PCSK2: variants seen among roughly 807,000 people sequenced by gnomAD.
PCSK2 encodes the protein neuroendocrine convertase 2.
In PCSK2, 14 loss-of-function variants were observed where a neutral mutation model predicts 69.7. The ratio of observed to expected loss-of-function variants is 0.20; its 90% confidence interval spans 0.13 to 0.31. PCSK2 has a LOEUF of 0.31. PCSK2 is among the 10% of genes least tolerant of loss of function. The pLI is 1.00. For synonymous variants in PCSK2, 307 were observed against 320.7 expected (o/e 0.96, Z 0.46); for missense variants, 544 against 842.5 (o/e 0.65, Z 4.39).
chr20:17,250,110 A>G (rs887480458), intron 1 of PCSK2, among the ~76,000 whole-genome samples: 1 of 152,208 alleles, frequency 6.6e-6, no homozygotes, highest in Non-Finnish European at 1.5e-5. Flanking sequence ...TAGCAAAATT[A>G]CCAAAGGCAG....
chr20:17,481,605 G>T lies in PCSK2; in HGVS notation c.1452G>T (p.Lys484Asn), dbSNP rs2033403109. ...QDPEKIPSTG[K>N]LVLTLTTDAC... ...TCAGGAAAATACCATCCACTGGCAAGTTGGTGCTGACACTCACAACCGACG... is the reference window on the plus strand; with the variant it reads ...TCAGGAAAATACCATCCACTGGCAATTTGGTGCTGACACTCACAACCGACG... The change falls in exon 12 of 12, where the codon AAG becomes AAT. Residue 484 changes from lysine (K) to asparagine (N), a missense_variant. Physicochemically the swap from Lys to Asn is moderately conservative, Grantham distance 94. Around this residue, in one of 3 missense-constraint regions of PCSK2, gnomAD observed 200 missense variants for 287.8 expected, o/e 0.69. Transcript: ENST00000262545. The T allele has an allele frequency of 1.2e-6, 2 of 1,613,798 alleles. No individual in the cohort carries two copies. The highest frequency in any genetic ancestry group is 1.7e-6 in the Non-Finnish European group (2 of 1,179,950).
intron 6 of PCSK2, among the ~76,000 whole-genome samples, chr20:17,423,789 A>G (rs1568643443): frequency 6.6e-6 from 1 of 152,254 alleles, no homozygotes; most frequent in Non-Finnish European, 1.5e-5. Flanking sequence ...ATACCCTTGT[A>G]GAAGAAATGG....
chr20:17,407,126 G>C (rs1037345378), intron 5 of PCSK2, among the ~76,000 whole-genome samples: 1 of 152,066 alleles, frequency 6.6e-6, no homozygotes, highest in Non-Finnish European at 1.5e-5. Flanking sequence ...ATGCAGGATG[G>C]AGCTGCCCCA....
rs2032353731 is a variant in PCSK2, at chr20:17,431,013, C to T, written c.709+1490C>T. 2.0e-5 allele frequency among the ~76,000 whole-genome samples: 3 copies of T among 152,130 alleles called. No homozygotes were observed. The South Asian group carries it at 6.2e-4, about 32-fold the overall frequency. The stretch of plus-strand genomic sequence containing the variant: ...TCTGAAAACACCTGAGCATTGAGTG[C>T]TCATCAAATGTATCTAATTCTCCTG... On this transcript the variant is annotated intron_variant, in intron 7 of 11. Transcript: ENST00000262545.
chr20:17,228,377 A>G (rs181802627), intron 1 of PCSK2: 1 of 153,120 alleles, frequency 6.5e-6, no homozygotes, highest in Non-Finnish European at 1.5e-5. Context: ...GGACAGAGAG[A>G]AGGGCGCTGG....
chr20:17,428,727 A>G (rs1314968130), intron 6 of PCSK2, among the ~76,000 whole-genome samples: 1 of 152,080 alleles, frequency 6.6e-6, no homozygotes, highest in Non-Finnish European at 1.5e-5. Flanking sequence ...AGCCACACTC[A>G]GCAGCTCACA....
At position 17,386,064 on chromosome 20, in the gene PCSK2, G is replaced by A. The variant is rs565548194; in HGVS notation, c.543+16787G>A. Among the ~76,000 whole-genome samples, 24 of 152,256 alleles carry A rather than the reference G, an allele frequency of 1.6e-4. No homozygotes were observed. In the South Asian group the frequency reaches 5.0e-3, roughly 32 times the overall value. On this transcript the variant is annotated intron_variant, in intron 5 of 11. Transcript: ENST00000262545. ...AAAGCAAGGAGTTATTATGGATGGG[G>A]CATCTAATAGCATCTAGGACACTTA...
chr20:17,371,944 C>G (rs906823006), intron 5 of PCSK2, among the ~76,000 whole-genome samples: 1 of 152,086 alleles, frequency 6.6e-6, no homozygotes, highest in African/African-American at 2.4e-5. Context: ...ACTGGAAAAG[C>G]TTTTCCTGGA....
In PCSK2 at chr20:17,257,347, T is replaced by C. The variant is rs146475638; in HGVS notation, c.178-2893T>C. Among the ~76,000 whole-genome samples, 1,139 of 152,288 alleles carry C rather than the reference T, an allele frequency of 7.5e-3. 32 individuals carry two copies. The East Asian group carries it at 0.1, about 14-fold the overall frequency. ...TGGTTAGTGTAAATTAGTTCAACCA[T>C]TGTGGAAGATGGTGTGGCAATTCCT... On this transcript the variant is annotated intron_variant, in intron 1 of 11. Coordinates refer to ENST00000262545, the MANE Select transcript of PCSK2 (RefSeq NM_002594.5).
chr20:17,481,317 G>A, intron 11 of PCSK2, among the ~76,000 whole-genome samples: 1 of 149,142 alleles, frequency 6.7e-6, no homozygotes, highest in Non-Finnish European at 1.5e-5. Context: ...AGGAGCTGAA[G>A]GTTGCAGTGA....
At chr20:17,402,660 C>CAAAA (rs35767841) in intron 5 of PCSK2, among the ~76,000 whole-genome samples, 17 of 113,042 alleles carry the variant, frequency 1.5e-4, no homozygotes, top group African/African-American at 4.2e-4. Context: ...GACTCTGTCT[C>CAAAA]AAAAAAAAAA....
At chr20:17,346,559 T>C (rs1400959150) in intron 2 of PCSK2, among the ~76,000 whole-genome samples, 1 of 152,224 alleles carries the variant, frequency 6.6e-6, no homozygotes, top group African/African-American at 2.4e-5. Context: ...AAGCTATTCA[T>C]GTATTAAAGA....
chr20:17,303,852 T>C (rs938672570), intron 2 of PCSK2, among the ~76,000 whole-genome samples: 4 of 147,364 alleles, frequency 2.7e-5, no homozygotes, highest in Non-Finnish European at 4.5e-5. Context: ...AGTGCTGGGA[T>C]TACAGGTGTG....
chr20:17,433,812 T>TCTCTCTCTCTCTCCCC (rs774361715), intron 7 of PCSK2, among the ~76,000 whole-genome samples: 25 of 104,172 alleles, frequency 2.4e-4, no homozygotes, highest in African/African-American at 9.1e-4. Flanking sequence ...TCTCTCTCTC[T>TCTCTCTCTCTCTCCCC]CCCCCCACTT....
intron 5 of PCSK2, among the ~76,000 whole-genome samples, chr20:17,392,628 G>T (rs2031412700): frequency 6.6e-6 from 1 of 152,138 alleles, no homozygotes; most frequent in African/African-American, 2.4e-5. Context: ...CCACAGATCT[G>T]CTTTTTATTC....
intron 7 of PCSK2, among the ~76,000 whole-genome samples, chr20:17,434,359 G>A (rs537223477): frequency 1.8e-5 from 2 of 109,680 alleles, no homozygotes; most frequent in East Asian, 4.7e-4. Context: ...GGGTCACGCT[G>A]AGCCTCTGTC....
At chr20:17,322,996 C>T (rs1989921758) in intron 2 of PCSK2, among the ~76,000 whole-genome samples, 1 of 152,114 alleles carries the variant, frequency 6.6e-6, no homozygotes, top group Non-Finnish European at 1.5e-5. Flanking sequence ...CCCAGAGTAG[C>T]TGGGATTACA....
chr20:17,433,084 C>T (rs2032402111), intron 7 of PCSK2, among the ~76,000 whole-genome samples: 1 of 152,156 alleles, frequency 6.6e-6, no homozygotes, highest in Non-Finnish European at 1.5e-5. Context: ...GTCCTATTCA[C>T]CTTCCTTTTT....
chr20:17,318,432 AT>A (rs1989756833), intron 2 of PCSK2, among the ~76,000 whole-genome samples: 2 of 152,226 alleles, frequency 1.3e-5, no homozygotes, highest in African/African-American at 2.4e-5. Context: ...CCAAAAAAAA[AT>A]GATGTTTTTC....
Sources: gnomAD v4.1 joint callset for allele counts (sites outside exome capture counted in the v4.1 genomes callset) on GRCh38, gnomAD v4.1.1 for gene constraint, gnomAD v4.1.1 regional missense constraint, MANE v1.5 for transcripts, NCBI Gene and HGNC (gene_info 2026-07-23, HGNC 2026-07-21) for gene names.